Variants in AP4E1 observed in about 807,000 individuals in gnomAD.
The protein encoded by AP4E1 is AP-4 complex subunit epsilon-1.
In AP4E1, 56 loss-of-function variants were observed where a neutral mutation model predicts 128.2. The observed-to-expected ratio is 0.44, with a 90% CI of 0.35 to 0.55. The LOEUF (loss-of-function observed/expected upper bound fraction) is 0.55, where lower values mean the gene tolerates loss of function less well. AP4E1 is among the 20% of genes least tolerant of loss of function. The pLI is 0.00. For missense variants in AP4E1, 1,324 were observed against 1,307.7 expected, an observed-to-expected ratio of 1.01 and a Z score of -0.19; for synonymous variants, 484 against 473.1, an observed-to-expected ratio of 1.02 and a Z score of -0.30.
intron 8 of AP4E1, among the ~76,000 whole-genome samples, chr15:50,938,389 C>T (rs1053403900): frequency 6.6e-6 from 1 of 152,134 alleles, no homozygotes; most frequent in Admixed American, 6.5e-5. Flanking sequence ...GTGGACCCAT[C>T]CCCTCCAGCA....
At chr15:50,915,892 C>G (rs2141132164) in intron 3 of AP4E1, 1 of 253,062 alleles carries the variant, frequency 4.0e-6, no homozygotes, top group East Asian at 1.0e-4. Context: ...ATAAAGCTGA[C>G]TTTTTTGTAT....
At chr15:50,928,785 A>G (rs900672200) in intron 5 of AP4E1, among the ~76,000 whole-genome samples, 2 of 151,712 alleles carry the variant, frequency 1.3e-5, no homozygotes, top group African/African-American at 4.8e-5. Flanking sequence ...AGATAAATAT[A>G]TAACACGGGC....
chr15:50,914,212 T>C (rs12899397), intron 2 of AP4E1, among the ~76,000 whole-genome samples: 20,861 of 152,264 alleles, frequency 0.14, 1,588 homozygotes, highest in South Asian at 0.2. Flanking sequence ...CCTTAAGATT[T>C]TCCTATGGTT....
At chr15:50,961,267 A>G (rs2064309168) in intron 14 of AP4E1, among the ~76,000 whole-genome samples, 1 of 151,954 alleles carries the variant, frequency 6.6e-6, no homozygotes, top group South Asian at 2.1e-4. Flanking sequence ...TATGGCCAGC[A>G]TTACCCTGAT....
chr15:50,944,764 T>C, intron 10 of AP4E1: 1 of 610,670 alleles, frequency 1.6e-6, no homozygotes, highest in Non-Finnish European at 3.0e-6. Flanking sequence ...TTACATCCTT[T>C]TGAGGTCCCA....
At chr15:50,945,998 AAT>A in intron 10 of AP4E1, 1 of 1,029,446 alleles carries the variant, frequency 9.7e-7, no homozygotes, top group East Asian at 2.4e-5. Flanking sequence ...GTTGTAAAAT[AAT>A]TAGTATTCCT....
chr15:50,968,022 G>A (rs2064417733), intron 14 of AP4E1, among the ~76,000 whole-genome samples: 2 of 152,182 alleles, frequency 1.3e-5, no homozygotes, highest in Non-Finnish European at 1.5e-5. Context: ...GTTTTGCCAT[G>A]TTGGCGAGGC....
chr15:50,953,281 A>C (rs2064175986), intron 13 of AP4E1, among the ~76,000 whole-genome samples: 1 of 151,994 alleles, frequency 6.6e-6, no homozygotes, highest in Non-Finnish European at 1.5e-5. Context: ...CACTCCACTT[A>C]ATTTAGATTG....
At chr15:50,942,060 G>T (rs2063996045) in intron 10 of AP4E1, among the ~76,000 whole-genome samples, 1 of 152,106 alleles carries the variant, frequency 6.6e-6, no homozygotes, top group Admixed American at 6.5e-5. Context: ...GGGATTATAG[G>T]TGTGTGCCAC....
chr15:50,956,120 G>A (rs62018161), intron 13 of AP4E1, among the ~76,000 whole-genome samples: 1 of 152,016 alleles, frequency 6.6e-6, no homozygotes, highest in African/African-American at 2.4e-5. Flanking sequence ...GGGTTTTTAG[G>A]TATACTTAGT....
chr15:50,985,693 A>G (rs1302968474), intron 16 of AP4E1, among the ~76,000 whole-genome samples: 2 of 152,186 alleles, frequency 1.3e-5, no homozygotes, highest in East Asian at 1.9e-4. Context: ...TACCAGTACC[A>G]TGCTGTTTTG....
intron 3 of AP4E1, among the ~76,000 whole-genome samples, chr15:50,922,730 G>A (rs139091724): frequency 6.6e-6 from 1 of 152,068 alleles, no homozygotes; most frequent in Non-Finnish European, 1.5e-5. Flanking sequence ...TTTGAGTCCT[G>A]GCTCCACCAT....
chr15:50,983,750 G>GT (rs912454142), intron 15 of AP4E1, among the ~76,000 whole-genome samples: 13 of 151,192 alleles, frequency 8.6e-5, no homozygotes, highest in South Asian at 2.1e-4. Flanking sequence ...TCCTAATTGA[G>GT]TTTTTTTTTA....
rs761622257 is a variant in AP4E1 at position 50,958,632 on chromosome 15, T to C, written c.1689T>C (p.Ser563=). 2 of 1,614,166 alleles carry C rather than the reference T, an allele frequency of 1.2e-6. No individual in the cohort carries two copies. The highest frequency in any genetic ancestry group is 1.6e-4 in the Middle Eastern group (1 of 6,062). The part of the protein sequence containing the change: ...WLIAAVTKLT[S]QAHSSNTVER... ...TTGCTGCTGTGACCAAATTGACATCTCAGGCGCACTCTTCTAATACAGTTG... is the reference window on the plus strand; with the variant it reads ...TTGCTGCTGTGACCAAATTGACATCCCAGGCGCACTCTTCTAATACAGTTG... Residue 563 remains serine (S), a synonymous_variant, in exon 14 of 21, where the codon TCT becomes TCC. Coordinates refer to ENST00000261842, the MANE Select transcript of AP4E1 (RefSeq NM_007347.5).
In AP4E1 at chr15:50,923,983, C is replaced by T; in HGVS notation, c.399C>T (p.Leu133=). The T allele has an allele frequency of 1.2e-6, 2 of 1,610,586 alleles. No individual in the cohort carries two copies. Among genetic ancestry groups the T allele is most frequent in the Non-Finnish European group, 1.7e-6 (2 of 1,177,198 alleles). The change falls in exon 4 of 21, where the codon CTC becomes CTT. Residue 133 remains leucine (L), a synonymous_variant. Coordinates refer to ENST00000261842, the MANE Select transcript of AP4E1 (RefSeq NM_007347.5). ...ATGAAAGTCATGAATTATTGCTTCTCCTTGTGAATACAGTTGTAAAGGTAT... is the reference window on the plus strand; with the variant it reads ...ATGAAAGTCATGAATTATTGCTTCTTCTTGTGAATACAGTTGTAAAGGTAT... ...FLHESHELLL[L]LVNTVVKDLQ... is the part of the protein sequence containing the mutation.
chr15:50,911,547 A>T lies in AP4E1; in HGVS notation c.151-531A>T, dbSNP rs542260082. Among the ~76,000 whole-genome samples the T allele has an allele frequency of 1.5e-3, 220 of 142,178 alleles. 1 individual carries two copies. Among genetic ancestry groups the T allele is most frequent in the African/African-American group, 5.7e-3 (215 of 37,626 alleles). The allele number at this position is 142,178 out of a possible 152,430, so 93.3% of individuals were successfully genotyped here. A position where few individuals can be genotyped will look rare whatever the true frequency, so the allele number is the denominator to read the frequency against. On this transcript the variant is annotated intron_variant, in intron 1 of 20. Coordinates refer to ENST00000261842, the MANE Select transcript of AP4E1 (RefSeq NM_007347.5). ...ACCCAGGCTGGAGTGCAGTGGTACG[A>T]TCTCGGCTCACTGCAACATTCACTT...
chr15:50,960,190 A>G lies in AP4E1; in HGVS notation c.1851+1396A>G, dbSNP rs571388044. Among the ~76,000 whole-genome samples the G allele has an allele frequency of 8.0e-4, 122 of 152,186 alleles. 1 individual carries two copies. The highest frequency in any genetic ancestry group is 2.2e-3 in the African/African-American group (92 of 41,468). Reference sequence around the variant, plus strand: ...CAGTCATAGTTGGAAACCTTGACACATCACTTTCGGAATAAGACAGATCAT... The same window carrying G: ...CAGTCATAGTTGGAAACCTTGACACGTCACTTTCGGAATAAGACAGATCAT... On this transcript the variant is annotated intron_variant, in intron 14 of 20. Transcript: ENST00000261842.
chr15:50,974,552 C>T (rs1363226760), intron 15 of AP4E1, among the ~76,000 whole-genome samples: 1 of 152,174 alleles, frequency 6.6e-6, no homozygotes, highest in Non-Finnish European at 1.5e-5. Context: ...TAGGCATGAG[C>T]CACTGTGTAC....
chr15:50,979,430 T>C (rs1216584132), intron 15 of AP4E1, among the ~76,000 whole-genome samples: 1 of 152,212 alleles, frequency 6.6e-6, no homozygotes, highest in African/African-American at 2.4e-5. Context: ...TGCCCTTCTG[T>C]CTTCTTCATG....
Sources: allele counts gnomAD v4.1 joint callset (sites outside exome capture counted in the v4.1 genomes callset), GRCh38; gene constraint gnomAD v4.1.1; transcripts MANE v1.5; gene names NCBI Gene and HGNC (gene_info 2026-07-23, HGNC 2026-07-21).